The following DENND1A variants were observed in gnomAD, a reference collection of about 807,000 sequenced individuals.
The protein encoded by DENND1A is DENN domain-containing protein 1A.
In DENND1A, 51 loss-of-function variants were observed where a neutral mutation model predicts 113.7. The observed-to-expected ratio is 0.45, with a 90% CI of 0.36 to 0.57. DENND1A has a LOEUF of 0.57. DENND1A is among the 20% of genes least tolerant of loss of function. DENND1A has a pLI of 0.00. For missense variants in DENND1A, 1,258 were observed against 1,395.9 expected (o/e 0.90, Z 1.57); for synonymous variants, 565 against 570.8 (o/e 0.99, Z 0.14).
chr9:123,465,767 T>C (rs1168056432), intron 13 of DENND1A, among the ~76,000 whole-genome samples: 1 of 152,212 alleles, frequency 6.6e-6, no homozygotes, highest in Non-Finnish European at 1.5e-5. Flanking sequence ...AGACCTATCA[T>C]GATGCTTTTA....
intron 4 of DENND1A, among the ~76,000 whole-genome samples, chr9:123,761,126 T>C (rs10122074): frequency 0.28 from 42,401 of 152,060 alleles, 9,126 homozygotes; most frequent in African/African-American, 0.6. Flanking sequence ...TCTCTTTTTA[T>C]TCCTATTAAA....
At chr9:123,428,920 G>A (rs774299951) in intron 19 of DENND1A, among the ~76,000 whole-genome samples, 61 of 152,330 alleles carry the variant, frequency 4.0e-4, no homozygotes, top group Non-Finnish European at 7.9e-4. Context: ...AAACACTCAT[G>A]CTCATGGATA....
chr9:123,542,360 G>A (rs923401586), intron 13 of DENND1A, among the ~76,000 whole-genome samples: 1 of 152,144 alleles, frequency 6.6e-6, no homozygotes. Flanking sequence ...CTTAGAAAAG[G>A]CAGAGTCCAG....
At chr9:123,451,358 G>A (rs567803680) in intron 17 of DENND1A, among the ~76,000 whole-genome samples, 2 of 152,146 alleles carry the variant, frequency 1.3e-5, no homozygotes, top group South Asian at 2.1e-4. Context: ...AAACCACCCC[G>A]CTTCAGTGGC....
At chr9:123,600,287 T>C (rs1013626833) in intron 11 of DENND1A, among the ~76,000 whole-genome samples, 1 of 152,180 alleles carries the variant, frequency 6.6e-6, no homozygotes, top group Non-Finnish European at 1.5e-5. Flanking sequence ...TCACTTCCAT[T>C]TATTTGGCAC....
rs1356762413 is a variant in DENND1A, at chr9:123,798,424, C to A, written c.89-5794G>T. 2.6e-5 allele frequency: 4 copies of A among 152,076 alleles called. No homozygotes were observed. The East Asian group carries it at 5.8e-4, about 22-fold the overall frequency. 9.4% of individuals were successfully genotyped at this position (152,076 alleles called of 1,614,324 possible). The stretch of plus-strand genomic sequence containing the variant: ...TGAAGTTATGAATGTAGTACAGTTA[C>A]CAATTAAGTGAATCAACAAGTCCTA... On this transcript the variant is annotated intron_variant, in intron 2 of 23. Transcript: ENST00000394215.
intron 4 of DENND1A, among the ~76,000 whole-genome samples, chr9:123,763,991 T>C (rs185812438): frequency 6.0e-4 from 91 of 152,228 alleles, no homozygotes; most frequent in Admixed American, 6.0e-3. Flanking sequence ...GAACTTGTTT[T>C]TAAGCTGTTG....
At chr9:123,816,447 T>C (rs1168470221) in intron 2 of DENND1A, among the ~76,000 whole-genome samples, 1 of 152,208 alleles carries the variant, frequency 6.6e-6, no homozygotes, top group Non-Finnish European at 1.5e-5. Context: ...ATGGGTGATA[T>C]AGGCTTCCTG....
At chr9:123,675,663 A>G (rs953986617) in intron 6 of DENND1A, among the ~76,000 whole-genome samples, 5 of 152,244 alleles carry the variant, frequency 3.3e-5, no homozygotes, top group Non-Finnish European at 5.9e-5. Context: ...ATTAATAATC[A>G]AAGAAATGCA....
At chr9:123,584,712 G>T (rs932793648) in intron 11 of DENND1A, among the ~76,000 whole-genome samples, 2 of 152,212 alleles carry the variant, frequency 1.3e-5, no homozygotes, top group African/African-American at 4.8e-5. Flanking sequence ...TGAGGTAAGA[G>T]GCAGAGGCAA....
chr9:123,556,928 AC>A (rs1351627731), intron 13 of DENND1A, among the ~76,000 whole-genome samples: 4 of 152,234 alleles, frequency 2.6e-5, no homozygotes, highest in African/African-American at 9.6e-5. Flanking sequence ...ATCACGAGTC[AC>A]TTCCTGAGGC....
intron 8 of DENND1A, among the ~76,000 whole-genome samples, chr9:123,660,880 G>A (rs1007926447): frequency 6.6e-6 from 1 of 152,242 alleles, no homozygotes; most frequent in African/African-American, 2.4e-5. Flanking sequence ...AGTCCCCCAG[G>A]GGATATTTGG....
intron 2 of DENND1A, among the ~76,000 whole-genome samples, chr9:123,839,860 T>C (rs1171291608): frequency 6.6e-6 from 1 of 152,200 alleles, no homozygotes; most frequent in Non-Finnish European, 1.5e-5. Flanking sequence ...CTATGAATTA[T>C]TTCTGAAGCT....
At chr9:123,509,291 A>G (rs1241495788) in intron 13 of DENND1A, among the ~76,000 whole-genome samples, 3 of 152,236 alleles carry the variant, frequency 2.0e-5, no homozygotes, top group Non-Finnish European at 4.4e-5. Flanking sequence ...ACCAACAGAA[A>G]GCACGAGATG....
At chr9:123,903,208 T>C (rs1194021321) in intron 1 of DENND1A, among the ~76,000 whole-genome samples, 3 of 149,152 alleles carry the variant, frequency 2.0e-5, no homozygotes, top group African/African-American at 4.9e-5. Flanking sequence ...GGCGGGCGCC[T>C]GTAGTCCCAG....
chr9:123,918,558 T>A (rs911164232), intron 1 of DENND1A, among the ~76,000 whole-genome samples: 1 of 151,734 alleles, frequency 6.6e-6, no homozygotes, highest in Admixed American at 6.6e-5. Flanking sequence ...GTGAGGACAG[T>A]AACTACAGCA....
At chr9:123,542,465 T>C (rs1325390382) in intron 13 of DENND1A, among the ~76,000 whole-genome samples, 1 of 152,114 alleles carries the variant, frequency 6.6e-6, no homozygotes, top group Non-Finnish European at 1.5e-5. Flanking sequence ...GATCACCAAA[T>C]AGCCTTATTC....
intron 12 of DENND1A, among the ~76,000 whole-genome samples, chr9:123,568,532 C>A (rs1422975837): frequency 6.6e-6 from 1 of 152,186 alleles, no homozygotes; most frequent in African/African-American, 2.4e-5. Context: ...TCTAGGGCAT[C>A]AATTACTGAA....
At chr9:123,752,125 T>A (rs879032167) in intron 5 of DENND1A, among the ~76,000 whole-genome samples, 1 of 129,940 alleles carries the variant, frequency 7.7e-6, no homozygotes, top group African/African-American at 3.3e-5. Flanking sequence ...CAAGAAATAC[T>A]TTTTTTTTTC....
Sources: gnomAD v4.1 joint callset for allele counts (sites outside exome capture counted in the v4.1 genomes callset) on GRCh38, gnomAD v4.1.1 for gene constraint, MANE v1.5 for transcripts, NCBI Gene and HGNC (gene_info 2026-07-23, HGNC 2026-07-21) for gene names.